Variants in ADGRF3 observed in about 807,000 individuals in gnomAD.
The protein encoded by ADGRF3 is adhesion G protein-coupled receptor F3.
A neutral mutation model predicts 93.2 loss-of-function variants in ADGRF3; 85 were observed. That is an observed-to-expected ratio of 0.91 (90% CI 0.77 to 1.09). The LOEUF is 1.09. Among genes scored for constraint, ADGRF3 ranks in the 50% least tolerant of loss-of-function variants. ADGRF3 has a pLI of 0.00. For missense variants in ADGRF3, 1,125 were observed against 1,246.2 expected (o/e 0.90, Z 1.46); for synonymous variants, 534 against 532.5 (o/e 1.00, Z -0.04).
At chr2:26,335,188 T>C (rs1052851701) in intron 1 of ADGRF3, among the ~76,000 whole-genome samples, 1 of 152,190 alleles carries the variant, frequency 6.6e-6, no homozygotes, top group Non-Finnish European at 1.5e-5. Flanking sequence ...ACTTATTAGT[T>C]ATTCCCAATC....
Position 26,314,615 on chromosome 2 carries a change from T to G in ADGRF3, c.727A>C (p.Met243Leu). 2.5e-6 allele frequency: 4 copies of G among 1,613,780 alleles called. No individual in the cohort carries two copies. Among genetic ancestry groups the G allele is most frequent in the Non-Finnish European group, 3.4e-6 (4 of 1,179,706 alleles). ...NMSHHWAGEY[M>L]SCFEAQGFKW... ...AAGCCCTGGGCCTCGAAGCAGCTCA[T>G]GTACTCACCTGCAGAAACGTGTGTG... The change falls in exon 6 of 14, where the codon ATG (methionine) becomes CTG (leucine). Residue 243 changes from methionine (M) to leucine (L), a missense_variant. Transcript: ENST00000651242.
intron 1 of ADGRF3, among the ~76,000 whole-genome samples, chr2:26,343,654 A>G (rs1169941225): frequency 1.3e-5 from 2 of 152,160 alleles, no homozygotes. Context: ...CGTGTTAGCC[A>G]GGATGGTCTC....
At chr2:26,343,664 C>T (rs898745229) in intron 1 of ADGRF3, among the ~76,000 whole-genome samples, 2 of 152,148 alleles carry the variant, frequency 1.3e-5, no homozygotes, top group Admixed American at 6.5e-5. Context: ...AGGATGGTCT[C>T]GATCTCCTGA....
rs562244482 is a variant in ADGRF3 at position 26,308,217 on chromosome 2, C to T, written c.*869G>A. ...TTATTTTAACAGAAAATGCCCCCGT[C>T]CCATTTTATAAAAAATATCCATGAA... On this transcript the variant is annotated 3_prime_UTR_variant, in exon 14 of 14. Coordinates refer to ENST00000651242, the MANE Select transcript of ADGRF3 (RefSeq NM_001321971.2). 4 of 152,126 alleles carry T rather than the reference C, an allele frequency of 2.6e-5. No individual in the cohort carries two copies. Among genetic ancestry groups the T allele is most frequent in the Non-Finnish European group, 5.9e-5 (4 of 67,986 alleles). 9.4% of individuals were successfully genotyped at this position (152,126 alleles called of 1,614,324 possible). A position where few individuals can be genotyped will look rare whatever the true frequency, so the allele number is the denominator to read the frequency against.
chr2:26,331,316 G>A (rs867897954), intron 1 of ADGRF3, among the ~76,000 whole-genome samples: 37 of 152,248 alleles, frequency 2.4e-4, no homozygotes, highest in African/African-American at 8.9e-4. Context: ...TTAGGAGGCC[G>A]AGGCGGGTGG....
intron 1 of ADGRF3, among the ~76,000 whole-genome samples, chr2:26,332,173 TG>T (rs1343660202): frequency 6.6e-6 from 1 of 152,242 alleles, no homozygotes; most frequent in Non-Finnish European, 1.5e-5. Context: ...AATAGAGATC[TG>T]TTCAGTAGTT....
intron 1 of ADGRF3, among the ~76,000 whole-genome samples, chr2:26,344,140 A>G (rs1253982464): frequency 1.3e-5 from 2 of 152,098 alleles, no homozygotes; most frequent in African/African-American, 4.8e-5. Context: ...ACAAGTATGA[A>G]GGGTTTTTTT....
intron 1 of ADGRF3, among the ~76,000 whole-genome samples, chr2:26,331,024 C>T (rs1401460955): frequency 6.6e-6 from 1 of 152,134 alleles, no homozygotes; most frequent in East Asian, 1.9e-4. Flanking sequence ...TTTATTATTT[C>T]ATTCAAAATA....
chr2:26,310,975 C>G lies in ADGRF3; in HGVS notation c.2549G>C (p.Trp850Ser), dbSNP rs199643938. 3.1e-6 allele frequency: 5 copies of G among 1,613,838 alleles called. No individual in the cohort carries two copies. The highest frequency in any genetic ancestry group is 3.4e-6 in the Non-Finnish European group (4 of 1,179,852). ...TAACGCCCCTCCCTTCCCATCCAAC[C>G]AGCATTCCCCCTCCCTCAGGTATTG... Reference protein sequence around the residue: ...QGQYLREGECWLDGKGGALYT... With the variant: ...QGQYLREGECSLDGKGGALYT... Residue 850 changes from tryptophan to serine, a missense_variant, in exon 10 of 14, where the codon TGG (tryptophan) becomes TCG (serine). Trp to Ser is a radical substitution (Grantham distance 177). Transcript: ENST00000651242.
At chr2:26,318,537 A>G (rs1014609326) in intron 1 of ADGRF3, among the ~76,000 whole-genome samples, 3 of 152,216 alleles carry the variant, frequency 2.0e-5, no homozygotes, top group African/African-American at 7.2e-5. Context: ...TGACATATAG[A>G]CATAGCCATA....
At chr2:26,312,597 G>A (rs1407486554) in intron 9 of ADGRF3, among the ~76,000 whole-genome samples, 5 of 152,214 alleles carry the variant, frequency 3.3e-5, no homozygotes, top group African/African-American at 7.2e-5. Context: ...ACAGAGAGCC[G>A]ATTTAGGTGA....
In ADGRF3 at chr2:26,346,477, C is replaced by A; in HGVS notation, c.-243G>T. The A allele has an allele frequency of 1.7e-6, 1 of 595,038 alleles. No individual in the cohort carries two copies. Among genetic ancestry groups the A allele is most frequent in the South Asian group, 2.7e-5 (1 of 37,366 alleles). 36.9% of individuals were successfully genotyped at this position (595,038 alleles called of 1,614,324 possible). On this transcript the variant is annotated 5_prime_UTR_variant, in exon 1 of 14. Transcript: ENST00000651242. ...GAGCGTGGGAGCATCCTAAGCCCGC[C>A]GCCCGTAGTCGGCACCCCCCGGGAG...
rs35836521 is a variant in ADGRF3 at position 26,328,454 on chromosome 2, G to GTT, written c.115-10894_115-10893dup. On this transcript the variant is annotated intron_variant, in intron 1 of 13. Transcript: ENST00000651242. ...ATGACACAACTATTAGGCCTTTTTA[G>GTT]TTTTTTTTTTTTTTTTTGAGACGGA... 7.6e-3 allele frequency among the ~76,000 whole-genome samples: 998 copies of GTT among 132,022 alleles called. 16 individuals carry two copies. The highest frequency in any genetic ancestry group is 0.015 in the African/African-American group (550 of 36,406). 86.6% of individuals were successfully genotyped at this position (132,022 alleles called of 152,430 possible).
chr2:26,314,085 G>A (rs1674438975), intron 6 of ADGRF3, among the ~76,000 whole-genome samples, 182 bp from the exon 7 acceptor site: 1 of 152,176 alleles, frequency 6.6e-6, no homozygotes, highest in South Asian at 2.1e-4. Context: ...TTGCTGGAGG[G>A]GACTGTGGGG....
intron 1 of ADGRF3, among the ~76,000 whole-genome samples, chr2:26,327,228 T>C (rs1167472796): frequency 6.6e-6 from 1 of 152,238 alleles, no homozygotes; most frequent in Non-Finnish European, 1.5e-5. Flanking sequence ...TCAGCAGCTC[T>C]TGGTTTTCTG....
intron 13 of ADGRF3, 124 bp downstream of exon 13, chr2:26,309,402 C>T: frequency 6.6e-7 from 1 of 1,526,692 alleles, no homozygotes; most frequent in Non-Finnish European, 8.8e-7. Flanking sequence ...CTGTTTCCTA[C>T]CCTTTGGTGT....
At chr2:26,344,932 T>C (rs1389991566) in intron 1 of ADGRF3, among the ~76,000 whole-genome samples, 1 of 152,226 alleles carries the variant, frequency 6.6e-6, no homozygotes, top group Non-Finnish European at 1.5e-5. Flanking sequence ...GTAGTAATAA[T>C]ACTGTGTTTG....
intron 1 of ADGRF3, among the ~76,000 whole-genome samples, chr2:26,333,664 G>A (rs961472043): frequency 1.4e-4 from 22 of 151,992 alleles, no homozygotes; most frequent in African/African-American, 5.1e-4. Context: ...GGCAACCAGT[G>A]GTTATGGGGA....
At chr2:26,338,619 C>T (rs563167086) in intron 1 of ADGRF3, among the ~76,000 whole-genome samples, 1 of 152,082 alleles carries the variant, frequency 6.6e-6, no homozygotes, top group African/African-American at 2.4e-5. Context: ...TGTGCCACCA[C>T]GCCCGGCTAA....
Sources: allele counts gnomAD v4.1 joint callset (sites outside exome capture counted in the v4.1 genomes callset), GRCh38; gene constraint gnomAD v4.1.1; transcripts MANE v1.5; gene names NCBI Gene and HGNC (gene_info 2026-07-23, HGNC 2026-07-21).